The following TPP2 variants were observed in gnomAD, a reference collection of about 807,000 sequenced individuals.
The protein encoded by TPP2 is tripeptidyl peptidase 2.
Under a neutral mutation model 155.9 loss-of-function variants are expected in TPP2, and 34 were observed. That is an observed-to-expected ratio of 0.22 (90% CI 0.17 to 0.29). TPP2 has a LOEUF of 0.29. TPP2 is among the 10% of genes least tolerant of loss of function. The pLI is 1.00. For missense variants in TPP2, 1,028 were observed against 1,522.3 expected, an observed-to-expected ratio of 0.68 and a Z score of 5.40; for synonymous variants, 510 against 529.4, an observed-to-expected ratio of 0.96 and a Z score of 0.50.
At chr13:102,647,380 A>G (rs1566354699) in intron 21 of TPP2, 36 bp downstream of exon 21, 2 of 1,597,526 alleles carry the variant, frequency 1.3e-6, no homozygotes, top group Admixed American at 1.7e-5. Flanking sequence ...AATTAACGGA[A>G]GCTGTTTCCT....
intron 27 of TPP2, among the ~76,000 whole-genome samples, chr13:102,668,468 G>C (rs977313185): frequency 6.6e-6 from 1 of 152,178 alleles, no homozygotes; most frequent in African/African-American, 2.4e-5. Flanking sequence ...CCTAGAATTA[G>C]TAAATAACAT....
In TPP2 at chr13:102,644,601, T is replaced by C; in HGVS notation, c.2220T>C (p.Ser740=). The part of the protein sequence containing the change: ...IEFCIARWWA[S]LSDVNIDYTI... ...TTTGCATTGCTCGTTGGTGGGCAAG[T>C]CTCAGTGATGTCAACATTGATTATA... Residue 740 remains serine (S), a synonymous_variant, in exon 18 of 30, where the codon AGT becomes AGC. Transcript: ENST00000376052. 6.2e-7 allele frequency: 1 copy of C among 1,612,972 alleles called. No homozygotes were observed. The highest frequency in any genetic ancestry group is 8.5e-7 in the Non-Finnish European group (1 of 1,179,470).
intron 6 of TPP2, 133 bp downstream of exon 6, chr13:102,623,173 T>C: frequency 4.1e-6 from 4 of 966,100 alleles, no homozygotes; most frequent in Non-Finnish European, 6.0e-6. Context: ...TCCAGAATCA[T>C]AAAGGTGATT....
At chr13:102,624,839 AT>A (rs67717673) in intron 6 of TPP2, among the ~76,000 whole-genome samples, 64,011 of 123,052 alleles carry the variant, frequency 0.52, 17,388 homozygotes, top group African/African-American at 0.63. Context: ...CATGTACTTA[AT>A]TTTTTTTTTT....
chr13:102,633,421 T>A (rs1882155104), intron 10 of TPP2, among the ~76,000 whole-genome samples: 1 of 152,250 alleles, frequency 6.6e-6, no homozygotes. Flanking sequence ...TATCTATTAA[T>A]TACATGTTGA....
chr13:102,597,460 C>CA (rs1394465944), intron 1 of TPP2, among the ~76,000 whole-genome samples: 23 of 152,190 alleles, frequency 1.5e-4, no homozygotes, highest in Non-Finnish European at 1.5e-5. Context: ...GTGGTCCCCC[C>CA]AGCTCAACAA....
At chr13:102,598,136 C>A (rs1566310238) in intron 1 of TPP2, among the ~76,000 whole-genome samples, 1 of 152,134 alleles carries the variant, frequency 6.6e-6, no homozygotes, top group African/African-American at 2.4e-5. Context: ...TGTTTAAAGT[C>A]TTTAAAGTTT....
At chr13:102,600,882 CT>C (rs756311512) in intron 1 of TPP2, among the ~76,000 whole-genome samples, 139 of 144,382 alleles carry the variant, frequency 9.6e-4, no homozygotes, top group East Asian at 2.2e-3. Flanking sequence ...GTCCTAACCT[CT>C]TTTTTTTTTT....
At chr13:102,627,489 C>A (rs1881708592) in intron 7 of TPP2, among the ~76,000 whole-genome samples, 1 of 152,004 alleles carries the variant, frequency 6.6e-6, no homozygotes. Context: ...AATTTAAAAC[C>A]TCAGCTAACA....
intron 17 of TPP2, 57 bp from the exon 18 acceptor site, chr13:102,644,500 T>G (rs1882973725): frequency 4.6e-5 from 65 of 1,411,346 alleles, no homozygotes; most frequent in Non-Finnish European, 6.2e-5. Context: ...AGTATTTATA[T>G]TCTGTAATTT....
intron 1 of TPP2, among the ~76,000 whole-genome samples, chr13:102,597,515 C>T (rs1037211991): frequency 1.4e-4 from 22 of 152,184 alleles, no homozygotes; most frequent in Non-Finnish European, 3.1e-4. Flanking sequence ...CTGGGTCCCC[C>T]TTTGGCCCCA....
At chr13:102,602,116 T>G (rs1381835438) in intron 1 of TPP2, among the ~76,000 whole-genome samples, 2 of 152,210 alleles carry the variant, frequency 1.3e-5, no homozygotes, top group Non-Finnish European at 2.9e-5. Flanking sequence ...GGGTTCTTAG[T>G]GCTACTGTAT....
At chr13:102,610,540 G>T (rs1276526762) in intron 2 of TPP2, among the ~76,000 whole-genome samples, 3 of 152,108 alleles carry the variant, frequency 2.0e-5, no homozygotes, top group African/African-American at 7.2e-5. Flanking sequence ...GTCATGCTTT[G>T]AAATGAATTA....
At chr13:102,599,434 T>C (rs1879258428) in intron 1 of TPP2, among the ~76,000 whole-genome samples, 1 of 152,062 alleles carries the variant, frequency 6.6e-6, no homozygotes, top group Non-Finnish European at 1.5e-5. Context: ...TAGATATATG[T>C]GTACATCATT....
Position 102,628,753 on chromosome 13 carries a change from G to A in TPP2, c.1017-729G>A, listed in dbSNP as rs548279711. Among the ~76,000 whole-genome samples, 33 of 152,158 alleles carry A rather than the reference G, an allele frequency of 2.2e-4. No homozygotes were observed. The South Asian group carries it at 6.9e-3, about 32-fold the overall frequency. On this transcript the variant is annotated intron_variant, in intron 8 of 29. Coordinates refer to ENST00000376052, the MANE Select transcript of TPP2 (RefSeq NM_001330588.2). ...CATCACTTTACGGTCCTCGTAACAT[G>A]CACCCTGTTATCATGAGTCATTTCA...
Position 102,638,222 on chromosome 13 carries a change from C to T in TPP2, c.1837-17C>T. 6.2e-7 allele frequency: 1 copy of T among 1,609,490 alleles called. No homozygotes were observed. On this transcript the variant is annotated splice_polypyrimidine_tract_variant and intron_variant, in intron 14 of 29. Coordinates refer to ENST00000376052, the MANE Select transcript of TPP2 (RefSeq NM_001330588.2). ...ATTTGTTTATGGATATTGACACTTA[C>T]CGATTCTTTTTTCAAGGTATGTGGC...
chr13:102,630,048 A>T lies in TPP2; in HGVS notation c.1145-48A>T, dbSNP rs751391358. 5.3e-6 allele frequency: 8 copies of T among 1,511,446 alleles called. No homozygotes were observed. In the South Asian group the frequency reaches 9.0e-5, roughly 17 times the overall value. 93.6% of individuals were successfully genotyped at this position (1,511,446 alleles called of 1,614,324 possible). On this transcript the variant is annotated intron_variant, in intron 9 of 29. Transcript: ENST00000376052. ...TCAAGTGAACAGTGGATTTGGAATCAGGATCCCCGTTTGTTTTCTTTTCTT... is the reference window on the plus strand; with the variant it reads ...TCAAGTGAACAGTGGATTTGGAATCTGGATCCCCGTTTGTTTTCTTTTCTT...
chr13:102,607,003 TATAAG>T (rs1451083779), intron 2 of TPP2, among the ~76,000 whole-genome samples: 3 of 152,116 alleles, frequency 2.0e-5, no homozygotes, highest in African/African-American at 7.2e-5. Flanking sequence ...TTAGTACCCT[TATAAG>T]AAGAGACATC....
At chr13:102,645,145 C>G (rs1883021474) in intron 19 of TPP2, 136 bp downstream of exon 19, 1 of 782,508 alleles carries the variant, frequency 1.3e-6, no homozygotes, top group Non-Finnish European at 2.0e-6. Context: ...GCCAGCAGAT[C>G]TCTGCAAGGC....
Sources: gnomAD v4.1 joint callset for allele counts (sites outside exome capture counted in the v4.1 genomes callset) on GRCh38, gnomAD v4.1.1 for gene constraint, MANE v1.5 for transcripts, NCBI Gene and HGNC (gene_info 2026-07-23, HGNC 2026-07-21) for gene names.